Variants in USP25 observed in about 807,000 individuals in gnomAD.
USP25 encodes the protein ubiquitin specific peptidase 25.
USP25 carries 85 observed loss-of-function variants against 158.5 expected under a neutral mutation model. That is an observed-to-expected ratio of 0.54 (90% CI 0.45 to 0.64). The LOEUF is 0.64. Among genes scored for constraint, USP25 ranks in the 30% least tolerant of loss-of-function variants. The pLI, the probability that USP25 is intolerant of heterozygous loss-of-function variation, is 0.00. For synonymous variants in USP25, 464 were observed against 460.4 expected (o/e 1.01, Z -0.10); for missense variants, 1,242 against 1,327.3 (o/e 0.94, Z 1.00).
chr21:15,763,066 T>C, intron 2 of USP25, 98 bp downstream of exon 2: 1 of 1,126,562 alleles, frequency 8.9e-7, no homozygotes, highest in Non-Finnish European at 1.2e-6. Flanking sequence ...GTATACCATG[T>C]GGTAGTTTTA....
At chr21:15,863,431 A>G (rs934951939) in intron 20 of USP25, among the ~76,000 whole-genome samples, 1 of 152,138 alleles carries the variant, frequency 6.6e-6, no homozygotes, top group African/African-American at 2.4e-5. Flanking sequence ...TTGATGTTGC[A>G]TTCCTTATTT....
chr21:15,770,810 A>AG (rs2034307846), intron 3 of USP25, among the ~76,000 whole-genome samples: 1 of 152,204 alleles, frequency 6.6e-6, no homozygotes, highest in South Asian at 2.1e-4. Flanking sequence ...CACTCTTTTA[A>AG]GAGAATCTGA....
intron 4 of USP25, among the ~76,000 whole-genome samples, chr21:15,779,135 T>A (rs1341154521): frequency 6.6e-6 from 1 of 152,012 alleles, no homozygotes; most frequent in East Asian, 1.9e-4. Flanking sequence ...TTATATTATG[T>A]AAAGACTTAA....
At chr21:15,858,127 A>G (rs1450276815) in intron 20 of USP25, among the ~76,000 whole-genome samples, 1 of 152,124 alleles carries the variant, frequency 6.6e-6, no homozygotes, top group African/African-American at 2.4e-5. Context: ...ACATTTTGTT[A>G]GAAGAACACT....
chr21:15,731,898 G>C (rs1190676660), intron 1 of USP25, among the ~76,000 whole-genome samples: 1 of 152,176 alleles, frequency 6.6e-6, no homozygotes, highest in African/African-American at 2.4e-5. Flanking sequence ...GGTACCATTT[G>C]TTTATAATTG....
chr21:15,853,230 A>C (rs1369701176), intron 20 of USP25, among the ~76,000 whole-genome samples: 3 of 152,152 alleles, frequency 2.0e-5, no homozygotes, highest in Non-Finnish European at 2.9e-5. Context: ...TTGTGGGCTT[A>C]AAGTTTAGAC....
chr21:15,783,678 C>G (rs1188386133), intron 4 of USP25, among the ~76,000 whole-genome samples: 1 of 151,788 alleles, frequency 6.6e-6, no homozygotes, highest in Non-Finnish European at 1.5e-5. Flanking sequence ...AAAAGAAGGG[C>G]CGGGCGCAGT....
chr21:15,865,082 A>G (rs2039599193), intron 21 of USP25, among the ~76,000 whole-genome samples: 1 of 152,178 alleles, frequency 6.6e-6, no homozygotes, highest in Non-Finnish European at 1.5e-5. Context: ...TGTAGAATAT[A>G]GAAAATATTC....
chr21:15,735,941 T>TGG (rs949597329), intron 1 of USP25, among the ~76,000 whole-genome samples: 9 of 151,754 alleles, frequency 5.9e-5, no homozygotes, highest in Non-Finnish European at 1.3e-4. Flanking sequence ...CTGTATTTAT[T>TGG]GGTCTAAAGT....
chr21:15,796,519 A>T (rs1354284686), intron 5 of USP25, among the ~76,000 whole-genome samples: 1 of 151,368 alleles, frequency 6.6e-6, no homozygotes, highest in African/African-American at 2.4e-5. Flanking sequence ...AACTAAGAAA[A>T]TTTTTGCACA....
In USP25 at chr21:15,866,410, C is replaced by T. The variant is rs1017404336; in HGVS notation, c.2805+66C>T. ...TTCTGTAATTCACTGATATTCCTTT[C>T]GTTTCAGCCCAACTGAAGTTGAATT... On this transcript the variant is annotated intron_variant, in intron 22 of 25. Coordinates refer to ENST00000400183, the MANE Select transcript of USP25 (RefSeq NM_001283041.3). 1.7e-5 allele frequency: 21 copies of T among 1,236,038 alleles called. No homozygotes were observed. The South Asian group carries it at 2.5e-4, about 15-fold the overall frequency. 76.6% of individuals were successfully genotyped at this position (1,236,038 alleles called of 1,614,324 possible). A position where few individuals can be genotyped will look rare whatever the true frequency, so the allele number is the denominator to read the frequency against.
chr21:15,758,904 A>T (rs1423998809), intron 1 of USP25, among the ~76,000 whole-genome samples: 1 of 152,136 alleles, frequency 6.6e-6, no homozygotes, highest in Non-Finnish European at 1.5e-5. Context: ...CCCATGACAC[A>T]TGAGGATTAT....
chr21:15,839,759 A>T (rs548488108), intron 17 of USP25, among the ~76,000 whole-genome samples: 1 of 151,632 alleles, frequency 6.6e-6, no homozygotes, highest in East Asian at 1.9e-4. Context: ...TTCTAAGACC[A>T]CTTCCCTGTG....
chr21:15,733,354 A>T (rs566037046), intron 1 of USP25, among the ~76,000 whole-genome samples: 97 of 152,274 alleles, frequency 6.4e-4, no homozygotes, highest in Non-Finnish European at 1.2e-3. Context: ...CTCAGCAAAT[A>T]TGTGATGAAT....
intron 16 of USP25, 97 bp from the exon 17 acceptor site, chr21:15,833,251 C>A: frequency 8.8e-7 from 1 of 1,140,864 alleles, no homozygotes. Context: ...GGTAATAATT[C>A]ATAGTTTAAA....
chr21:15,770,061 T>C (rs2034266969), intron 3 of USP25, among the ~76,000 whole-genome samples: 1 of 152,052 alleles, frequency 6.6e-6, no homozygotes, highest in African/African-American at 2.4e-5. Flanking sequence ...ATTCTAGTTA[T>C]GGCTATCTTG....
In USP25 at chr21:15,731,112, C is replaced by T. The variant is rs535837735; in HGVS notation, c.45+674C>T. ...TTTCGTTCACCCTTTACTCTTGCAT[C>T]AGTCACACATTCAAATGGTCACTCA... On this transcript the variant is annotated intron_variant, in intron 1 of 25. Transcript: ENST00000400183. Among the ~76,000 whole-genome samples, 6 of 149,382 alleles carry T rather than the reference C, an allele frequency of 4.0e-5. 1 individual carries two copies. The highest frequency in any genetic ancestry group is 1.5e-4 in the African/African-American group (6 of 40,892).
intron 1 of USP25, among the ~76,000 whole-genome samples, chr21:15,756,401 G>C (rs1481156100): frequency 1.3e-5 from 2 of 151,926 alleles, no homozygotes; most frequent in Non-Finnish European, 2.9e-5. Flanking sequence ...CATACTTTGG[G>C]GCATTGTTTT....
At chr21:15,842,086 G>C (rs1224585062) in intron 17 of USP25, among the ~76,000 whole-genome samples, 1 of 152,008 alleles carries the variant, frequency 6.6e-6, no homozygotes, top group Admixed American at 6.6e-5. Flanking sequence ...AAATTCTTTT[G>C]GTAAAATGCT....
Sources: gnomAD v4.1 joint callset for allele counts (sites outside exome capture counted in the v4.1 genomes callset) on GRCh38, gnomAD v4.1.1 for gene constraint, MANE v1.5 for transcripts, NCBI Gene and HGNC (gene_info 2026-07-23, HGNC 2026-07-21) for gene names.